The following PRDM12 variants were observed in gnomAD, a reference collection of about 807,000 sequenced individuals.
PRDM12 encodes PR/SET domain 12, also known as PR domain zinc finger protein 12.
A neutral mutation model predicts 29.6 loss-of-function variants in PRDM12; 17 were observed. The observed-to-expected ratio is 0.57, with a 90% CI of 0.39 to 0.86. The LOEUF (loss-of-function observed/expected upper bound fraction) is 0.86. Ranked by LOEUF, PRDM12 falls within the 40% of genes least tolerant of loss-of-function variation. The probability of loss-of-function intolerance (pLI) is 0.00; values close to 1 mark genes in which losing one functional copy is unlikely to be tolerated. For missense variants in PRDM12, 422 were observed against 510.8 expected (o/e 0.83, Z 1.68); for synonymous variants, 231 against 225.8 (o/e 1.02, Z -0.21).
chr9:130,676,150 C>T (rs1258775380), intron 3 of PRDM12, among the ~76,000 whole-genome samples: 1 of 152,106 alleles, frequency 6.6e-6, no homozygotes, highest in Non-Finnish European at 1.5e-5. Context: ...CTCTTCCTTC[C>T]ACCCCAGTGA....
chr9:130,671,951 T>C (rs1377085436), intron 3 of PRDM12, among the ~76,000 whole-genome samples: 2 of 152,214 alleles, frequency 1.3e-5, no homozygotes, highest in African/African-American at 4.8e-5. Flanking sequence ...TTTCCATAAA[T>C]ACAGAATAGC....
intron 3 of PRDM12, among the ~76,000 whole-genome samples, chr9:130,672,769 CTT>C (rs1239404812): frequency 6.6e-6 from 1 of 152,178 alleles, no homozygotes; most frequent in African/African-American, 2.4e-5. Context: ...CATTGAGATC[CTT>C]TTACACTGGG....
In PRDM12 at chr9:130,681,547, ACCGCGCTGCAGGCACACTCGC is replaced by A. The variant is rs1220406010; in HGVS notation, c.992_1012del (p.Gln331_Leu337del). ...GAGCGCGCGGCACCGGCCGCCCAGC[ACCGCGCTGCAGGCACACTCGC>A]CCGCGCTGCCCGCCCCGCACGCGCA... On this transcript the variant is annotated inframe_deletion, in exon 5 of 5. Transcript: ENST00000253008. This position sits in a 1 kb window ranked among gnomAD's most constrained non-coding sequence, Gnocchi z 8.1. 7.9e-7 allele frequency: 1 copy of A among 1,265,872 alleles called. No individual in the cohort carries two copies. 78.4% of individuals were successfully genotyped at this position (1,265,872 alleles called of 1,614,324 possible). A position where few individuals can be genotyped will look rare whatever the true frequency, so the allele number is the denominator to read the frequency against.
chr9:130,668,900 GACCAGAAA>G lies in PRDM12; in HGVS notation c.570+593_570+600del, dbSNP rs1384225194. On this transcript the variant is annotated intron_variant, in intron 3 of 4. Transcript: ENST00000253008. This position sits in a 1 kb window ranked among gnomAD's most constrained non-coding sequence, Gnocchi z 4.0. ...ATTCTGTGATTATTTACAGTTTACT[GACCAGAAA>G]ACCAGGTCTCCCTCGGTGGCAGCAG... Among the ~76,000 whole-genome samples, 1 of 152,142 alleles carries G rather than the reference GACCAGAAA, an allele frequency of 6.6e-6. No homozygotes were observed. Among genetic ancestry groups the G allele is most frequent in the Non-Finnish European group, 1.5e-5 (1 of 68,032 alleles).
chr9:130,668,696 A>G lies in PRDM12; in HGVS notation c.570+383A>G, dbSNP rs375667367. ...GGCCCAGGGAATGCGTTGGGGTGGG[A>G]GAGAGGGCGTGTGTCTGCAGCCGTT... On this transcript the variant is annotated intron_variant, in intron 3 of 4. Coordinates refer to ENST00000253008, the MANE Select transcript of PRDM12 (RefSeq NM_021619.3). This position sits in a 1 kb window ranked among gnomAD's most constrained non-coding sequence, Gnocchi z 4.0. Among the ~76,000 whole-genome samples the G allele has an allele frequency of 1.4e-4, 21 of 152,118 alleles. 4 individuals are homozygous for G. Among genetic ancestry groups the G allele is most frequent in the Admixed American group, 5.9e-4 (9 of 15,262 alleles).
At chr9:130,672,026 A>G (rs1240599611) in intron 3 of PRDM12, among the ~76,000 whole-genome samples, 1 of 152,212 alleles carries the variant, frequency 6.6e-6, no homozygotes, top group African/African-American at 2.4e-5. Context: ...GAGGTTCCGC[A>G]GCAGGGCGTG....
intron 1 of PRDM12, among the ~76,000 whole-genome samples, chr9:130,665,422 A>G (rs186981619): frequency 2.0e-5 from 3 of 152,268 alleles, no homozygotes; most frequent in African/African-American, 7.2e-5. Context: ...CTTATTCCTC[A>G]TTCATCAACC....
rs1830749575 is a variant in PRDM12, at chr9:130,668,040, G to A, written c.415-118G>A. On this transcript the variant is annotated intron_variant, in intron 2 of 4. Transcript: ENST00000253008. This position sits in a 1 kb window ranked among gnomAD's most constrained non-coding sequence, Gnocchi z 4.0. ...TTCCTTTCTTCAGTGGGAAAATGAA[G>A]CTTTATCCACTTCCTGGGGCTGTTG... 3 of 1,313,122 alleles carry A rather than the reference G, an allele frequency of 2.3e-6. No homozygotes were observed. Among genetic ancestry groups the A allele is most frequent in the Non-Finnish European group, 3.2e-6 (3 of 951,818 alleles). The allele number at this position is 1,313,122 out of a possible 1,614,324, so 81.3% of individuals were successfully genotyped here.
chr9:130,665,933 C>A (rs1830729428), intron 1 of PRDM12, among the ~76,000 whole-genome samples: 1 of 152,210 alleles, frequency 6.6e-6, no homozygotes, highest in African/African-American at 2.4e-5. Context: ...TCCTCCCCGC[C>A]CAGAGAGATG....
chr9:130,676,882 C>T (rs766597985), intron 3 of PRDM12, among the ~76,000 whole-genome samples: 2 of 152,010 alleles, frequency 1.3e-5, no homozygotes, highest in Non-Finnish European at 2.9e-5. Flanking sequence ...CCTGTTCCCA[C>T]CCCTTTTCTT....
rs534948546 is a variant in PRDM12 at position 130,669,124 on chromosome 9, G to A, written c.570+811G>A. Among the ~76,000 whole-genome samples, 23 of 152,092 alleles carry A rather than the reference G, an allele frequency of 1.5e-4. No individual in the cohort carries two copies. The Middle Eastern group carries it at 0.01, about 67-fold the overall frequency. Reference sequence around the variant, plus strand: ...GGGCAGATCACAAGGTCAGGAGATCGAGACCATCCTGGCTAACATGGTGAA... The same window carrying A: ...GGGCAGATCACAAGGTCAGGAGATCAAGACCATCCTGGCTAACATGGTGAA... On this transcript the variant is annotated intron_variant, in intron 3 of 4. Coordinates refer to ENST00000253008, the MANE Select transcript of PRDM12 (RefSeq NM_021619.3).
intron 3 of PRDM12, among the ~76,000 whole-genome samples, chr9:130,669,535 G>T (rs1164173964): frequency 7.5e-6 from 1 of 133,532 alleles, no homozygotes; most frequent in Non-Finnish European, 1.6e-5. Flanking sequence ...AAAAAAAAAG[G>T]CTTGGCACAG....
In PRDM12 at chr9:130,668,890, A is replaced by G. The variant is rs752195985; in HGVS notation, c.570+577A>G. Among the ~76,000 whole-genome samples, 3 of 151,994 alleles carry G rather than the reference A, an allele frequency of 2.0e-5. No individual in the cohort carries two copies. Among genetic ancestry groups the G allele is most frequent in the East Asian group, 1.9e-4 (1 of 5,186 alleles). ...CAGGAGGAGGATTCTGTGATTATTTACAGTTTACTGACCAGAAAACCAGGT... is the reference window on the plus strand; with the variant it reads ...CAGGAGGAGGATTCTGTGATTATTTGCAGTTTACTGACCAGAAAACCAGGT... On this transcript the variant is annotated intron_variant, in intron 3 of 4. Coordinates refer to ENST00000253008, the MANE Select transcript of PRDM12 (RefSeq NM_021619.3). The surrounding 1 kb of genome is among the most constrained non-coding windows in gnomAD (Gnocchi z 4.0).
chr9:130,668,408 A>G lies in PRDM12; in HGVS notation c.570+95A>G. On this transcript the variant is annotated intron_variant, in intron 3 of 4. Transcript: ENST00000253008. This position sits in a 1 kb window ranked among gnomAD's most constrained non-coding sequence, Gnocchi z 4.0. ...CAGCGGTGTCCAGGAACCACAGTGG[A>G]CAGAGGGGAGCTGACACTGGCCTCG... The G allele has an allele frequency of 1.3e-6, 2 of 1,566,630 alleles. No homozygotes were observed. Among genetic ancestry groups the G allele is most frequent in the East Asian group, 2.3e-5 (1 of 44,334 alleles).
chr9:130,680,634 A>AT lies in PRDM12; in HGVS notation c.683-614_683-613insT, dbSNP rs1554753095. Reference sequence around the variant, plus strand: ...AGGGAGACTCCGTCTAAAAAAAAAAAATATATATATATATATATATATATA... The same window carrying AT: ...AGGGAGACTCCGTCTAAAAAAAAAAATATATATATATATATATATATATATA... On this transcript the variant is annotated intron_variant, in intron 4 of 4. Coordinates refer to ENST00000253008, the MANE Select transcript of PRDM12 (RefSeq NM_021619.3). Among the ~76,000 whole-genome samples the AT allele has an allele frequency of 7.4e-3, 655 of 88,354 alleles. 2 individuals carry two copies. Among genetic ancestry groups the AT allele is most frequent in the Middle Eastern group, 0.021 (3 of 142 alleles). The allele number at this position is 88,354 out of a possible 152,430, so 58.0% of individuals were successfully genotyped here. A position where few individuals can be genotyped will look rare whatever the true frequency, so the allele number is the denominator to read the frequency against.
chr9:130,676,649 G>A (rs999447613), intron 3 of PRDM12, among the ~76,000 whole-genome samples: 3 of 152,144 alleles, frequency 2.0e-5, no homozygotes, highest in Admixed American at 6.5e-5. Flanking sequence ...CAGGGATCTC[G>A]CTGTGGTGCC....
chr9:130,681,571 G>C lies in PRDM12; in HGVS notation c.1006G>C (p.Ala336Pro). ...PSTALQAHSP[A>P]LPAPHAHAPA... ...CACCGCGCTGCAGGCACACTCGCCC[G>C]CGCTGCCCGCCCCGCACGCGCACGC... is the stretch of plus-strand genomic sequence containing the variant. Residue 336 changes from alanine to proline, a missense_variant, in exon 5 of 5, where the codon GCG (alanine) becomes CCG (proline). Transcript: ENST00000253008. The surrounding 1 kb of genome is among the most constrained non-coding windows in gnomAD (Gnocchi z 8.1). 8.3e-7 allele frequency: 1 copy of C among 1,203,856 alleles called. No individual in the cohort carries two copies. Among genetic ancestry groups the C allele is most frequent in the African/African-American group, 1.6e-5 (1 of 62,952 alleles). 74.6% of individuals were successfully genotyped at this position (1,203,856 alleles called of 1,614,324 possible).
rs952318490 is a variant in PRDM12, at chr9:130,678,903, A to C, written c.682+263A>C. Among the ~76,000 whole-genome samples the C allele has an allele frequency of 2.0e-5, 3 of 152,294 alleles. No homozygotes were observed. The South Asian group carries it at 6.2e-4, about 32-fold the overall frequency. ...GTCTGGGGGGTATGTGGGGGAGACC[A>C]GAGAGGCAATGAGGTGTGACAGGAG... is the stretch of plus-strand genomic sequence containing the variant. On this transcript the variant is annotated intron_variant, in intron 4 of 4. Transcript: ENST00000253008.
At chr9:130,676,841 G>T (rs974416479) in intron 3 of PRDM12, among the ~76,000 whole-genome samples, 2 of 152,172 alleles carry the variant, frequency 1.3e-5, no homozygotes, top group African/African-American at 4.8e-5. Context: ...GTCTCAGGAG[G>T]ATGGCTGTCA....
Sources: allele counts gnomAD v4.1 joint callset (sites outside exome capture counted in the v4.1 genomes callset), GRCh38; gene constraint gnomAD v4.1.1; non-coding constraint Gnocchi (gnomAD v3.1); transcripts MANE v1.5; gene names NCBI Gene and HGNC (gene_info 2026-07-23, HGNC 2026-07-21).